The following TCF4 variants were observed in gnomAD, a reference collection of about 807,000 sequenced individuals.
TCF4 encodes the protein transcription factor 4, also known as SL3-3 enhancer factor 2.
TCF4 carries 3 observed loss-of-function variants against 82.1 expected under a neutral mutation model. That is an observed-to-expected ratio of 0.04 (90% CI 0.02 to 0.09). The LOEUF is 0.09. Among genes scored for constraint, TCF4 ranks in the 10% least tolerant of loss-of-function variants. The probability of loss-of-function intolerance (pLI) is 1.00; values close to 1 mark genes in which losing one functional copy is unlikely to be tolerated. For synonymous variants in TCF4, 276 were observed against 309.6 expected, an observed-to-expected ratio of 0.89 and a Z score of 1.14; for missense variants, 518 against 852.7, an observed-to-expected ratio of 0.61 and a Z score of 4.89.
At chr18:55,355,566 A>G (rs941094608) in intron 6 of TCF4, among the ~76,000 whole-genome samples, 1 of 152,182 alleles carries the variant, frequency 6.6e-6, no homozygotes, top group Admixed American at 6.5e-5. Context: ...TGAAGAACAC[A>G]GTATTTCCAC....
chr18:55,423,200 T>C (rs947621576), intron 5 of TCF4, among the ~76,000 whole-genome samples: 1 of 152,136 alleles, frequency 6.6e-6, no homozygotes, highest in African/African-American at 2.4e-5. Flanking sequence ...TCCAGCTTAA[T>C]TAATGCCACG....
At chr18:55,455,870 C>T (rs1258472914) in intron 5 of TCF4, among the ~76,000 whole-genome samples, 1 of 152,180 alleles carries the variant, frequency 6.6e-6, no homozygotes, top group Non-Finnish European at 1.5e-5. Context: ...TTCCTTTGTA[C>T]ATTAAGGCTT....
Position 55,618,294 on chromosome 18 carries a change from C to A in TCF4, c.286+13004G>T, listed in dbSNP as rs1000566129. On this transcript the variant is annotated intron_variant, in intron 2 of 20. Transcript: ENST00000398339. ...ATTTACATATGTTGAGCCATCCTTG[C>A]ATCCCAGGGATAAATCTCATTTGGT... 2.6e-5 allele frequency among the ~76,000 whole-genome samples: 4 copies of A among 152,172 alleles called. No individual in the cohort carries two copies. In the South Asian group the frequency reaches 8.3e-4, roughly 32 times the overall value.
At chr18:55,599,820 C>T (rs2097694949) in intron 2 of TCF4, among the ~76,000 whole-genome samples, 1 of 152,132 alleles carries the variant, frequency 6.6e-6, no homozygotes, top group African/African-American at 2.4e-5. Context: ...TAACCACTAC[C>T]CAGATCAAGA....
chr18:55,456,071 G>T (rs1279839943), intron 5 of TCF4, among the ~76,000 whole-genome samples: 1 of 152,228 alleles, frequency 6.6e-6, no homozygotes, highest in Non-Finnish European at 1.5e-5. Context: ...ACTCAGGGTA[G>T]CCATAAACAC....
At chr18:55,581,535 T>C (rs2097574792) in intron 3 of TCF4, among the ~76,000 whole-genome samples, 1 of 151,974 alleles carries the variant, frequency 6.6e-6, no homozygotes, top group African/African-American at 2.4e-5. Flanking sequence ...TTCACTCACT[T>C]ATACACACAC....
intron 3 of TCF4, chr18:55,550,263 T>C (rs751918182): frequency 6.6e-6 from 1 of 152,220 alleles, no homozygotes; most frequent in Non-Finnish European, 1.5e-5. Flanking sequence ...TTTTACATAG[T>C]AGCATGCAAA....
chr18:55,283,325 C>T (rs962934883), intron 8 of TCF4, among the ~76,000 whole-genome samples: 5 of 151,708 alleles, frequency 3.3e-5, no homozygotes, highest in Admixed American at 3.3e-4. Context: ...CTGTGCCTAA[C>T]AGAAAAGAAC....
intron 5 of TCF4, among the ~76,000 whole-genome samples, chr18:55,457,182 T>A (rs1568092628): frequency 6.6e-6 from 1 of 152,224 alleles, no homozygotes; most frequent in Non-Finnish European, 1.5e-5. Flanking sequence ...TTAAAAAAAA[T>A]TTAGGAGCTT....
chr18:55,440,370 TTTC>T (rs1474154851), intron 5 of TCF4, among the ~76,000 whole-genome samples: 2 of 152,174 alleles, frequency 1.3e-5, no homozygotes, highest in East Asian at 1.9e-4. Context: ...TTTTATTCAT[TTTC>T]TTCTTCTCAC....
chr18:55,408,193 C>T (rs1373061984), intron 5 of TCF4, among the ~76,000 whole-genome samples: 1 of 152,098 alleles, frequency 6.6e-6, no homozygotes, highest in Non-Finnish European at 1.5e-5. Context: ...TTTCACCCAC[C>T]GCTGAAATAG....
At chr18:55,562,332 A>G (rs1418622097) in intron 3 of TCF4, among the ~76,000 whole-genome samples, 1 of 152,248 alleles carries the variant, frequency 6.6e-6, no homozygotes, top group Admixed American at 6.5e-5. Flanking sequence ...TGTCCTTTAT[A>G]GATACCTATA....
intron 3 of TCF4, among the ~76,000 whole-genome samples, chr18:55,505,753 G>A (rs1190833210): frequency 6.9e-6 from 1 of 144,376 alleles, no homozygotes; most frequent in Non-Finnish European, 1.5e-5. Context: ...GCAGTGAGCC[G>A]AGATCCCGCC....
chr18:55,364,310 A>C (rs1169480209), intron 6 of TCF4, among the ~76,000 whole-genome samples: 1 of 152,234 alleles, frequency 6.6e-6, no homozygotes. Flanking sequence ...AGTTTTATTA[A>C]ATTAATGAAG....
chr18:55,620,249 T>C (rs2097716347), intron 2 of TCF4, among the ~76,000 whole-genome samples: 1 of 152,172 alleles, frequency 6.6e-6, no homozygotes, highest in Non-Finnish European at 1.5e-5. Flanking sequence ...CAGTTCTTTA[T>C]AGCAGTGTGA....
intron 3 of TCF4, among the ~76,000 whole-genome samples, chr18:55,478,166 T>C (rs1388205828): frequency 6.6e-6 from 1 of 152,216 alleles, no homozygotes; most frequent in Non-Finnish European, 1.5e-5. Context: ...CTGATGAGAT[T>C]AGCAGACAGT....
intron 3 of TCF4, among the ~76,000 whole-genome samples, chr18:55,539,423 G>GT (rs1388411836): frequency 6.6e-6 from 1 of 152,116 alleles, no homozygotes; most frequent in Admixed American, 6.6e-5. Flanking sequence ...TATTTGCTTA[G>GT]TTTGGGAACC....
intron 2 of TCF4, among the ~76,000 whole-genome samples, chr18:55,625,687 A>G (rs1303365713): frequency 6.6e-6 from 1 of 152,150 alleles, no homozygotes; most frequent in African/African-American, 2.4e-5. Context: ...TATTTTTGTA[A>G]ATATTTTTGT....
At chr18:55,242,605 C>T (rs2051613628) in intron 15 of TCF4, among the ~76,000 whole-genome samples, 1 of 150,266 alleles carries the variant, frequency 6.7e-6, no homozygotes, top group South Asian at 2.1e-4. Flanking sequence ...ACTTTGCAGG[C>T]ACTGATTTTT....
Sources: allele counts gnomAD v4.1 joint callset (sites outside exome capture counted in the v4.1 genomes callset), GRCh38; gene constraint gnomAD v4.1.1; transcripts MANE v1.5; gene names NCBI Gene and HGNC (gene_info 2026-07-23, HGNC 2026-07-21).